The following TMEM126A variants were observed in gnomAD, a reference collection of about 807,000 sequenced individuals.
TMEM126A encodes the protein optic atrophy 7.
In TMEM126A, 10 loss-of-function variants were observed where a neutral mutation model predicts 18.3. That is an observed-to-expected ratio of 0.55 (90% confidence interval 0.34 to 0.93). The LOEUF is 0.93. Among genes scored for constraint, TMEM126A ranks in the 40% least tolerant of loss-of-function variants. The pLI, the probability that TMEM126A is intolerant of heterozygous loss-of-function variation, is 0.02. For synonymous variants in TMEM126A, 68 were observed against 78.1 expected (o/e 0.87, Z 0.68); for missense variants, 246 against 230.2 (o/e 1.07, Z -0.44).
intron 2 of TMEM126A, among the ~76,000 whole-genome samples, chr11:85,653,511 C>T (rs1259482518): frequency 6.6e-6 from 1 of 152,158 alleles, no homozygotes; most frequent in East Asian, 1.9e-4. Flanking sequence ...ATGCATAGGA[C>T]ATAAGTTAAA....
chr11:85,648,700 C>T (rs17811011), intron 1 of TMEM126A, among the ~76,000 whole-genome samples: 2 of 152,088 alleles, frequency 1.3e-5, no homozygotes, highest in Non-Finnish European at 2.9e-5. Flanking sequence ...AGCCAAGGCC[C>T]TCAAAAATTT....
In TMEM126A at chr11:85,648,936, G is replaced by GTT. The variant is rs760886814; in HGVS notation, c.-8+863_-8+864dup. On this transcript the variant is annotated intron_variant, in intron 1 of 4. Coordinates refer to ENST00000304511, the MANE Select transcript of TMEM126A (RefSeq NM_032273.4). ...TTTCCTTTGTTGTTATCCCTGAACTGTTTTTTTTTTTTTTTTTGTAGACCG... is the reference window on the plus strand; with the variant it reads ...TTTCCTTTGTTGTTATCCCTGAACTGTTTTTTTTTTTTTTTTTTTGTAGACCG... Among the ~76,000 whole-genome samples, 967 of 132,388 alleles carry GTT rather than the reference G, an allele frequency of 7.3e-3. 25 individuals are homozygous for GTT. Among genetic ancestry groups the GTT allele is most frequent in the African/African-American group, 0.024 (848 of 35,142 alleles). 86.9% of individuals were successfully genotyped at this position (132,388 alleles called of 152,430 possible). A position where few individuals can be genotyped will look rare whatever the true frequency, so the allele number is the denominator to read the frequency against.
At chr11:85,653,702 T>G (rs1371735171) in intron 2 of TMEM126A, among the ~76,000 whole-genome samples, 1 of 152,142 alleles carries the variant, frequency 6.6e-6, no homozygotes, top group Non-Finnish European at 1.5e-5. Flanking sequence ...CTCCACATTA[T>G]TGAACATCTT....
At chr11:85,653,208 A>C (rs2082514235) in intron 2 of TMEM126A, among the ~76,000 whole-genome samples, 1 of 152,192 alleles carries the variant, frequency 6.6e-6, no homozygotes, top group African/African-American at 2.4e-5. Flanking sequence ...TGGGGTTCTC[A>C]ATGAGTGACA....
chr11:85,652,676 G>C (rs1351016746), intron 2 of TMEM126A, among the ~76,000 whole-genome samples: 1 of 152,064 alleles, frequency 6.6e-6, no homozygotes, highest in African/African-American at 2.4e-5. Context: ...TTTGACCTTA[G>C]CTATGGGAAA....
intron 2 of TMEM126A, 165 bp from the exon 3 acceptor site, chr11:85,653,898 G>A (rs1383902192): frequency 1.4e-6 from 1 of 728,348 alleles, no homozygotes; most frequent in Non-Finnish European, 2.3e-6. Flanking sequence ...GCTGGGAGAA[G>A]AGCAAAAACC....
intron 1 of TMEM126A, among the ~76,000 whole-genome samples, chr11:85,648,662 CAG>C (rs889385810): frequency 1.3e-5 from 2 of 152,152 alleles, no homozygotes; most frequent in African/African-American, 2.4e-5. Context: ...TCCTGTACAG[CAG>C]AGATTGTGTC....
intron 2 of TMEM126A, 115 bp downstream of exon 2, chr11:85,650,456 T>C (rs2082490860): frequency 4.7e-6 from 4 of 844,086 alleles, no homozygotes; most frequent in South Asian, 1.5e-5. Flanking sequence ...GAGAAGGAAA[T>C]TGCCCTTTTC....
intron 1 of TMEM126A, 30 bp from the exon 2 acceptor site, chr11:85,650,219 T>C: frequency 7.2e-7 from 1 of 1,383,774 alleles, no homozygotes; most frequent in Non-Finnish European, 1.0e-6. Flanking sequence ...GTATAAATTC[T>C]TGAGAAATGA....
chr11:85,649,541 ATG>A (rs371667106), intron 1 of TMEM126A, among the ~76,000 whole-genome samples: 5 of 152,316 alleles, frequency 3.3e-5, no homozygotes, highest in African/African-American at 1.2e-4. Context: ...ATTGCTAGCT[ATG>A]TGTGTCTTCT....
chr11:85,656,269 A>G (rs1197196820), intron 4 of TMEM126A, 40 bp from the exon 5 acceptor site: 3 of 1,581,764 alleles, frequency 1.9e-6, no homozygotes. Context: ...ATTTGATGCA[A>G]CAATCTTTTC....
chr11:85,649,499 G>A (rs528424856), intron 1 of TMEM126A, among the ~76,000 whole-genome samples: 1 of 152,294 alleles, frequency 6.6e-6, no homozygotes, highest in South Asian at 2.1e-4. Context: ...AAAGTTTGCT[G>A]AGCCCTGATC....
intron 1 of TMEM126A, 55 bp from the exon 2 acceptor site, chr11:85,650,194 T>C: frequency 1.7e-6 from 2 of 1,168,758 alleles, no homozygotes. Context: ...CTTCAGAAGG[T>C]TTTTAAAATT....
intron 1 of TMEM126A, among the ~76,000 whole-genome samples, chr11:85,648,316 T>A (rs754265572): frequency 1.3e-5 from 2 of 152,206 alleles, no homozygotes; most frequent in Non-Finnish European, 2.9e-5. Context: ...AATCCCAGGT[T>A]TACTGTCAAT....
rs999281366 is a variant in TMEM126A at position 85,655,681 on chromosome 11, T to C, written c.368T>C (p.Ile123Thr). The C allele has an allele frequency of 5.0e-6, 8 of 1,613,458 alleles. No homozygotes were observed. The highest frequency in any genetic ancestry group is 3.4e-6 in the Non-Finnish European group (4 of 1,179,466). ...GGTCTATACCCTGTTTTCTTGGCTA[T>C]ACCTGTAAATGGTGGTCTAGCAGCC... The part of the protein sequence containing the change: ...IGGLYPVFLA[I>T]PVNGGLAARY... Residue 123 changes from isoleucine (I) to threonine (T), a missense_variant, in exon 4 of 5, where the codon ATA (isoleucine) becomes ACA (threonine). Transcript: ENST00000304511.
chr11:85,652,494 T>C (rs893389981), intron 2 of TMEM126A, among the ~76,000 whole-genome samples: 25 of 152,234 alleles, frequency 1.6e-4, no homozygotes, highest in African/African-American at 5.5e-4. Context: ...TCTACAGCAA[T>C]ACTTTCACGT....
chr11:85,653,551 G>T (rs1042625389), intron 2 of TMEM126A, among the ~76,000 whole-genome samples: 2 of 152,220 alleles, frequency 1.3e-5, no homozygotes, highest in African/African-American at 4.8e-5. Flanking sequence ...TTCAAATCCA[G>T]TTCTACCACT....
At position 85,654,129 on chromosome 11, in the gene TMEM126A, C is replaced by CA. The variant is rs2082520628; in HGVS notation, c.154dup (p.Ser52LysfsTer44). 1.9e-6 allele frequency: 3 copies of CA among 1,614,042 alleles called. No individual in the cohort carries two copies. Among genetic ancestry groups the CA allele is most frequent in the Non-Finnish European group, 1.7e-6 (2 of 1,180,026 alleles). On this transcript the variant is annotated frameshift_variant, in exon 3 of 5. Coordinates refer to ENST00000304511, the MANE Select transcript of TMEM126A (RefSeq NM_032273.4). LOFTEE classifies it high-confidence loss of function. Reference sequence around the variant, plus strand: ...CTGCTCTTTGTGGCCTCATAGCAAACAGTCTTTTTCGACGCATCTTGAATG... The same window carrying CA: ...CTGCTCTTTGTGGCCTCATAGCAAACAAGTCTTTTTCGACGCATCTTGAATG...
intron 1 of TMEM126A, among the ~76,000 whole-genome samples, chr11:85,648,610 G>C (rs181831176): frequency 1.1e-3 from 162 of 152,234 alleles, no homozygotes; most frequent in Non-Finnish European, 1.9e-3. Context: ...TACTAAATTT[G>C]ATTATATATT....
Sources: allele counts gnomAD v4.1 joint callset (sites outside exome capture counted in the v4.1 genomes callset), GRCh38; gene constraint gnomAD v4.1.1; transcripts MANE v1.5; gene names NCBI Gene and HGNC (gene_info 2026-07-23, HGNC 2026-07-21).